SH3GL1: variants seen among roughly 807,000 people sequenced by gnomAD.
The protein encoded by SH3GL1 is endophilin-A2.
In SH3GL1, 21 loss-of-function variants were observed where a neutral mutation model predicts 48.8. The observed-to-expected ratio is 0.43, with a 90% CI of 0.30 to 0.62. The LOEUF (loss-of-function observed/expected upper bound fraction) is 0.62, where lower values mean the gene tolerates loss of function less well. Among genes scored for constraint, SH3GL1 ranks in the 20% least tolerant of loss-of-function variants. The probability of loss-of-function intolerance (pLI) is 0.11; values close to 1 mark genes in which losing one functional copy is unlikely to be tolerated. For synonymous variants in SH3GL1, 282 were observed against 217.5 expected (o/e 1.30, Z -2.61); for missense variants, 454 against 503.0 (o/e 0.90, Z 0.93).
rs558290937 is a variant in SH3GL1, at chr19:4,393,429, T to C, written c.45+6895A>G. On this transcript the variant is annotated intron_variant, in intron 1 of 9. Transcript: ENST00000269886. The stretch of plus-strand genomic sequence containing the variant: ...GAGTCCAGGAGTTCAAGACCTGGAG[T>C]GGTGGGGTTTAAGGAGCCTCCAGCC... 1.0e-4 allele frequency among the ~76,000 whole-genome samples: 15 copies of C among 150,268 alleles called. No individual in the cohort carries two copies. The South Asian group carries it at 3.2e-3, about 32-fold the overall frequency.
chr19:4,381,676 AC>A (rs1973134348), intron 1 of SH3GL1, among the ~76,000 whole-genome samples: 1 of 18,508 alleles, frequency 5.4e-5, no homozygotes, highest in African/African-American at 2.4e-4. Flanking sequence ...CCTCTCTGTC[AC>A]CCCCCACACG....
intron 1 of SH3GL1, among the ~76,000 whole-genome samples, chr19:4,380,755 C>T (rs766767432): frequency 4.6e-5 from 7 of 152,076 alleles, no homozygotes; most frequent in African/African-American, 1.4e-4. Flanking sequence ...AATGAGGGGA[C>T]GGTTTTCAAA....
rs1020690959 is a variant in SH3GL1, at chr19:4,367,883, C to T, written c.46-889G>A. Among the ~76,000 whole-genome samples the T allele has an allele frequency of 6.6e-6, 1 of 152,042 alleles. No individual in the cohort carries two copies. The highest frequency in any genetic ancestry group is 2.4e-5 in the African/African-American group (1 of 41,380). ...GTGTGCCTGGCGCCAAGGGATGCCG[C>T]ACAGAGTGAGGATGGACAGTGTGAG... is the stretch of plus-strand genomic sequence containing the variant. On this transcript the variant is annotated intron_variant, in intron 1 of 9. Coordinates refer to ENST00000269886, the MANE Select transcript of SH3GL1 (RefSeq NM_003025.4). The surrounding 1 kb of genome is among the most constrained non-coding windows in gnomAD (Gnocchi z 4.2).
rs969211773 is a variant in SH3GL1 at position 4,366,586 on chromosome 19, G to A, written c.115-13C>T. On this transcript the variant is annotated splice_polypyrimidine_tract_variant and intron_variant, in intron 2 of 9. Transcript: ENST00000269886. The stretch of plus-strand genomic sequence containing the variant: ...TGACATCCACCTTCTGTGAAGAGAA[G>A]CAGCATATAAGACTCCACAGCCAGT... 2 of 1,610,154 alleles carry A rather than the reference G, an allele frequency of 1.2e-6. No homozygotes were observed. The highest frequency in any genetic ancestry group is 2.2e-5 in the East Asian group (1 of 44,852).
chr19:4,382,258 T>C (rs1363013742), intron 1 of SH3GL1, among the ~76,000 whole-genome samples: 1 of 140,274 alleles, frequency 7.1e-6, no homozygotes, highest in Admixed American at 7.0e-5. Flanking sequence ...GCTTTCTTTT[T>C]TTTTTTTTTT....
intron 5 of SH3GL1, 45 bp downstream of exon 5, chr19:4,364,043 C>A (rs199983993): frequency 2.5e-6 from 4 of 1,610,916 alleles, no homozygotes; most frequent in African/African-American, 1.3e-5. Context: ...CTGCCCCATC[C>A]GGCAGGGGGA....
Position 4,361,706 on chromosome 19 carries a change from G to T in SH3GL1, c.1001C>A (p.Thr334Lys). The T allele has an allele frequency of 6.2e-7, 1 of 1,613,236 alleles. No individual in the cohort carries two copies. Residue 334 changes from threonine (T) to lysine (K), a missense_variant, in exon 10 of 10, where the codon ACG becomes AAG. Around this residue, in one of 2 missense-constraint regions of SH3GL1, gnomAD observed 278 missense variants for 246.8 expected, o/e 1.13. Coordinates refer to ENST00000269886, the MANE Select transcript of SH3GL1 (RefSeq NM_003025.4). ...ELGFHEGDVI[T>K]LTNQIDENWY... ...GTTCTCATCGATCTGGTTGGTCAGC[G>T]TGATGACGTCGCCCTCATGGAAGCC...
At chr19:4,379,360 G>T (rs945568023) in intron 1 of SH3GL1, among the ~76,000 whole-genome samples, 1 of 151,744 alleles carries the variant, frequency 6.6e-6, no homozygotes. Context: ...CAGCAGGTGG[G>T]GGTTGCTGTG....
rs376286077 is a variant in SH3GL1, at chr19:4,370,008, G to A, written c.46-3014C>T. Among the ~76,000 whole-genome samples, 7 of 150,344 alleles carry A rather than the reference G, an allele frequency of 4.7e-5. No individual in the cohort carries two copies. The East Asian group carries it at 8.0e-4, about 17-fold the overall frequency. On this transcript the variant is annotated intron_variant, in intron 1 of 9. Transcript: ENST00000269886. Reference sequence around the variant, plus strand: ...AACCAAGCGTGGGCTCCTGCCCGCTGGGGCCCTACTCACTGCGGTCTCCAC... The same window carrying A: ...AACCAAGCGTGGGCTCCTGCCCGCTAGGGCCCTACTCACTGCGGTCTCCAC...
At chr19:4,390,938 G>A (rs944757491) in intron 1 of SH3GL1, among the ~76,000 whole-genome samples, 5 of 152,156 alleles carry the variant, frequency 3.3e-5, no homozygotes, top group African/African-American at 7.2e-5. Flanking sequence ...TAAACACGAC[G>A]TTTCCCCAGA....
In SH3GL1 at chr19:4,400,474, G is replaced by C. The variant is rs1038862242; in HGVS notation, c.-106C>G. 1.9e-6 allele frequency: 2 copies of C among 1,038,386 alleles called. No homozygotes were observed. Among genetic ancestry groups the C allele is most frequent in the African/African-American group, 3.4e-5 (2 of 58,670 alleles). The allele number at this position is 1,038,386 out of a possible 1,614,324, so 64.3% of individuals were successfully genotyped here. ...AGCAGTCCCCGTCGGCGCCGCCTCC[G>C]CCACCCGCTTGCCAGCTCCGCGCCC... On this transcript the variant is annotated 5_prime_UTR_variant, in exon 1 of 10. Transcript: ENST00000269886. This position sits in a 1 kb window ranked among gnomAD's most constrained non-coding sequence, Gnocchi z 4.1.
chr19:4,362,878 GAC>G (rs2144856954), intron 7 of SH3GL1, 142 bp from the exon 8 acceptor site: 1 of 1,325,890 alleles, frequency 7.5e-7, no homozygotes, highest in South Asian at 1.2e-5. Context: ...TGGACCCTGG[GAC>G]ACAGCTAGAC....
chr19:4,383,617 G>T (rs1201708651), intron 1 of SH3GL1, among the ~76,000 whole-genome samples: 1 of 152,162 alleles, frequency 6.6e-6, no homozygotes, highest in Non-Finnish European at 1.5e-5. Context: ...CTGCCTGAGA[G>T]AACTGCTCTC....
At chr19:4,371,786 C>T (rs1411409559) in intron 1 of SH3GL1, among the ~76,000 whole-genome samples, 1 of 152,164 alleles carries the variant, frequency 6.6e-6, no homozygotes, top group African/African-American at 2.4e-5. Flanking sequence ...GCCTGCCCGT[C>T]GGCATCGGTG....
intron 1 of SH3GL1, among the ~76,000 whole-genome samples, chr19:4,385,110 A>AC (rs1448599438): frequency 6.6e-6 from 1 of 151,700 alleles, no homozygotes; most frequent in African/African-American, 2.4e-5. Flanking sequence ...CAAAAAAAAA[A>AC]AAAAAAACTA....
At chr19:4,365,147 G>A (rs924567478) in intron 4 of SH3GL1, among the ~76,000 whole-genome samples, 2 of 151,994 alleles carry the variant, frequency 1.3e-5, no homozygotes, top group Admixed American at 6.6e-5. Context: ...AATCCGAATC[G>A]ATGCTGGACG....
intron 1 of SH3GL1, among the ~76,000 whole-genome samples, chr19:4,388,663 G>C (rs1447906928): frequency 6.6e-6 from 1 of 152,210 alleles, no homozygotes; most frequent in Admixed American, 6.5e-5. Context: ...GTTTAGTTTG[G>C]GGAAGCATTC....
At chr19:4,374,110 G>A (rs1972958759) in intron 1 of SH3GL1, among the ~76,000 whole-genome samples, 1 of 152,188 alleles carries the variant, frequency 6.6e-6, no homozygotes, top group Non-Finnish European at 1.5e-5. Flanking sequence ...TGAAAATGAG[G>A]GGGAGAAAAA....
chr19:4,381,426 G>C, intron 1 of SH3GL1, among the ~76,000 whole-genome samples: 1 of 62,984 alleles, frequency 1.6e-5, no homozygotes, highest in Non-Finnish European at 2.9e-5. Flanking sequence ...CCCTCTCTCT[G>C]TCCCCTCTGC....
Sources: gnomAD v4.1 joint callset for allele counts (sites outside exome capture counted in the v4.1 genomes callset) on GRCh38, gnomAD v4.1.1 for gene constraint, gnomAD v4.1.1 regional missense constraint, Gnocchi (gnomAD v3.1) non-coding constraint, MANE v1.5 for transcripts, NCBI Gene and HGNC (gene_info 2026-07-23, HGNC 2026-07-21) for gene names.